The following TJP1 variants were observed in gnomAD, a reference collection of about 807,000 sequenced individuals.
TJP1 encodes the protein tight junction protein ZO-1.
In TJP1, 43 loss-of-function variants were observed where a neutral mutation model predicts 194.2. The observed-to-expected ratio is 0.22, with a 90% confidence interval of 0.17 to 0.29. TJP1 has a LOEUF of 0.29. Among genes scored for constraint, TJP1 ranks in the 10% least tolerant of loss-of-function variants. TJP1 has a pLI of 1.00. For missense variants in TJP1, 1,971 were observed against 2,185.7 expected (o/e 0.90, Z 1.96); for synonymous variants, 801 against 779.0 (o/e 1.03, Z -0.47).
At chr15:29,867,017 C>A (rs541295086) in intron 2 of TJP1, among the ~76,000 whole-genome samples, 1 of 152,310 alleles carries the variant, frequency 6.6e-6, no homozygotes, top group South Asian at 2.1e-4. Context: ...CTCAAAGATG[C>A]CTATGCTTCC....
intron 23 of TJP1, among the ~76,000 whole-genome samples, chr15:29,714,015 T>C (rs746198148): frequency 1.7e-4 from 26 of 152,164 alleles, no homozygotes; most frequent in Admixed American, 4.6e-4. Context: ...GCTGTGTTAA[T>C]GAAAAGAAGG....
intron 2 of TJP1, among the ~76,000 whole-genome samples, chr15:29,791,104 G>A (rs771559386): frequency 3.3e-5 from 5 of 150,954 alleles, no homozygotes; most frequent in Non-Finnish European, 5.9e-5. Flanking sequence ...TCGGCTCACT[G>A]CAATCTCTGC....
intron 24 of TJP1, among the ~76,000 whole-genome samples, chr15:29,709,641 A>C (rs995799869): frequency 2.0e-5 from 3 of 152,244 alleles, no homozygotes; most frequent in African/African-American, 7.2e-5. Context: ...TAATACATGC[A>C]GGAAAAACAT....
chr15:29,834,863 AG>A (rs774348961), intron 2 of TJP1, among the ~76,000 whole-genome samples: 10 of 152,212 alleles, frequency 6.6e-5, no homozygotes, highest in Non-Finnish European at 1.5e-4. Flanking sequence ...CTTTCTGAAA[AG>A]GCAACACAAA....
chr15:29,806,911 A>C (rs2049147178), intron 1 of TJP1, among the ~76,000 whole-genome samples: 1 of 152,232 alleles, frequency 6.6e-6, no homozygotes, highest in South Asian at 2.1e-4. Flanking sequence ...TCACTCTAAA[A>C]TAAAATGAAG....
chr15:29,746,565 T>C (rs1265769361), intron 8 of TJP1, among the ~76,000 whole-genome samples: 1 of 152,068 alleles, frequency 6.6e-6, no homozygotes, highest in African/African-American at 2.4e-5. Flanking sequence ...GTGGTTCACC[T>C]TGGAGGGAAA....
intron 2 of TJP1, among the ~76,000 whole-genome samples, chr15:29,858,862 T>A (rs1037145623): frequency 3.3e-5 from 5 of 152,058 alleles, no homozygotes; most frequent in Non-Finnish European, 5.9e-5. Context: ...GTAAGCTAAT[T>A]TTTGTATATT....
At chr15:29,702,787 C>G (rs2041634524) in intron 27 of TJP1, among the ~76,000 whole-genome samples, 1 of 152,138 alleles carries the variant, frequency 6.6e-6, no homozygotes, top group Non-Finnish European at 1.5e-5. Context: ...ATTTTTTCCT[C>G]TGATAACATT....
intron 2 of TJP1, among the ~76,000 whole-genome samples, chr15:29,858,043 G>A (rs1030369212): frequency 2.0e-5 from 3 of 152,140 alleles, no homozygotes; most frequent in African/African-American, 7.2e-5. Context: ...GATTACAGGC[G>A]TGAGCCACCG....
chr15:29,773,254 C>T lies in TJP1; in HGVS notation c.188G>A (p.Gly63Glu). Residue 63 changes from glycine (G) to glutamate (E), a missense_variant, in exon 3 of 28, where the codon GGA (glycine) becomes GAA (glutamate). Gly to Glu is a moderately conservative substitution (Grantham distance 98). Around this residue, in one of 5 missense-constraint regions of TJP1, gnomAD observed 245 missense variants for 336.6 expected, o/e 0.73. Coordinates refer to ENST00000614355, the MANE Select transcript of TJP1 (RefSeq NM_001330239.4). ...SIVISDVLKG[G>E]PAEGQLQEND... is the part of the protein sequence containing the mutation. ...TTACTGTAGCTGTCCTTCAGCTGGT[C>T]CTCCTTTCAGCACATCTGAAATCAC... 1 of 1,613,994 alleles carries T rather than the reference C, an allele frequency of 6.2e-7. No individual in the cohort carries two copies. Among genetic ancestry groups the T allele is most frequent in the East Asian group, 2.2e-5 (1 of 44,864 alleles).
Position 29,719,859 on chromosome 15 carries a change from A to G in TJP1, c.2921T>C (p.Leu974Ser). ...STSYSPQADS[L>S]RTPSTEAAHI... ...AGCTGCCTCAGTACTTGGTGTTCTT[A>G]AAGAATCAGCTTGTGGTGAGTAAGA... The change falls in exon 20 of 28, where the codon TTA becomes TCA. Residue 974 changes from leucine to serine, a missense_variant. This residue lies in a region of TJP1 where 1,108 missense variants were observed against 1,128.5 expected (regional missense o/e 0.98). Coordinates refer to ENST00000614355, the MANE Select transcript of TJP1 (RefSeq NM_001330239.4). 6.2e-7 allele frequency: 1 copy of G among 1,614,186 alleles called. No individual in the cohort carries two copies. Among genetic ancestry groups the G allele is most frequent in the South Asian group, 1.1e-5 (1 of 91,078 alleles).
At chr15:29,725,756 A>G (rs760548541) in intron 18 of TJP1, among the ~76,000 whole-genome samples, 17 of 152,214 alleles carry the variant, frequency 1.1e-4, no homozygotes. Flanking sequence ...GCCAGGAAGG[A>G]TCTATTGCTT....
intron 2 of TJP1, among the ~76,000 whole-genome samples, chr15:29,945,148 C>G (rs537096429): frequency 6.6e-6 from 1 of 152,288 alleles, no homozygotes; most frequent in East Asian, 1.9e-4. Context: ...TCTGGTGTTT[C>G]AAGTATATGG....
chr15:29,907,306 A>G (rs2461656), intron 2 of TJP1, among the ~76,000 whole-genome samples: 94,992 of 151,824 alleles, frequency 0.63, 30,292 homozygotes, highest in South Asian at 0.76. Flanking sequence ...CTACTCGGGA[A>G]GCTGAGGCAG....
intron 1 of TJP1, among the ~76,000 whole-genome samples, chr15:29,806,579 T>C (rs1223428387): frequency 6.6e-6 from 1 of 152,224 alleles, no homozygotes; most frequent in East Asian, 1.9e-4. Flanking sequence ...TCATTCCTTC[T>C]GAACTCCAAA....
At chr15:29,702,953 A>G (rs1595536214) in intron 27 of TJP1, among the ~76,000 whole-genome samples, 1 of 145,056 alleles carries the variant, frequency 6.9e-6, no homozygotes, top group Middle Eastern at 3.5e-3. Context: ...ATAAAATTCT[A>G]ATTATTAACT....
intron 2 of TJP1, among the ~76,000 whole-genome samples, chr15:29,880,021 CA>C (rs1021747479): frequency 2.6e-5 from 4 of 152,114 alleles, no homozygotes; most frequent in Admixed American, 1.3e-4. Context: ...AGTATCACCT[CA>C]AAAAAATTAT....
chr15:29,843,325 G>C (rs1482459181), intron 2 of TJP1, among the ~76,000 whole-genome samples: 1 of 151,984 alleles, frequency 6.6e-6, no homozygotes, highest in Non-Finnish European at 1.5e-5. Flanking sequence ...AGTTAGCTGG[G>C]ATTACAGGTG....
chr15:29,708,885 G>A lies in TJP1; in HGVS notation c.4524C>T (p.Ala1508=). 6.2e-7 allele frequency: 1 copy of A among 1,614,068 alleles called. No homozygotes were observed. The highest frequency in any genetic ancestry group is 8.5e-7 in the Non-Finnish European group (1 of 1,180,024). The change falls in exon 25 of 28, where the codon GCC becomes GCT. Residue 1508 remains alanine (A), a synonymous_variant. Transcript: ENST00000614355. ...GAGTCTGTTCAGTTCCATTAACTGG[G>A]GCTTTATCTGGAAAACTTTTCTGGG... The part of the protein sequence containing the change: ...FYPQKSFPDK[A]PVNGTEQTQK...
Sources: gnomAD v4.1 joint callset for allele counts (sites outside exome capture counted in the v4.1 genomes callset) on GRCh38, gnomAD v4.1.1 for gene constraint, gnomAD v4.1.1 regional missense constraint, MANE v1.5 for transcripts, NCBI Gene and HGNC (gene_info 2026-07-23, HGNC 2026-07-21) for gene names.